The following CPNE3 variants were observed in gnomAD, a reference collection of about 807,000 sequenced individuals.
The protein encoded by CPNE3 is copine 3, also known as copine-3.
In CPNE3, 68 loss-of-function variants were observed where a neutral mutation model predicts 63.9. The observed-to-expected ratio is 1.06, with a 90% confidence interval of 0.87 to 1.30. The LOEUF is 1.30. Among genes scored for constraint, CPNE3 ranks in the 50% most tolerant of loss-of-function variants. The pLI, the probability that CPNE3 is intolerant of heterozygous loss-of-function variation, is 0.00. For synonymous variants in CPNE3, 219 were observed against 197.5 expected (o/e 1.11, Z -0.91); for missense variants, 665 against 578.1 (o/e 1.15, Z -1.54).
intron 2 of CPNE3, among the ~76,000 whole-genome samples, chr8:86,521,973 T>TAA (rs368599439): frequency 2.0e-5 from 3 of 150,942 alleles, no homozygotes; most frequent in Middle Eastern, 3.4e-3. Flanking sequence ...TTGAAAATTG[T>TAA]AAAAAAAAAC....
At chr8:86,532,880 G>A (rs1820711930) in intron 6 of CPNE3, among the ~76,000 whole-genome samples, 1 of 152,118 alleles carries the variant, frequency 6.6e-6, no homozygotes, top group Non-Finnish European at 1.5e-5. Flanking sequence ...GGAAAAAAGT[G>A]AAAACTCTGT....
Position 86,551,204 on chromosome 8 carries a change from A to T in CPNE3, c.1090A>T (p.Asn364Tyr), listed in dbSNP as rs748532176. ...QWQVSHEFPM[N>Y]FNPSNPYCNG... ...ACAGGTATCACATGAATTTCCAATGAACTTCAACCCATCCAATCCCTACTG... is the reference window on the plus strand; with the variant it reads ...ACAGGTATCACATGAATTTCCAATGTACTTCAACCCATCCAATCCCTACTG... Residue 364 changes from asparagine to tyrosine, a missense_variant, in exon 14 of 17, where the codon AAC (asparagine) becomes TAC (tyrosine). By Grantham distance (143) the Asn-to-Tyr change is moderately radical. Transcript: ENST00000517490. 1.2e-6 allele frequency: 2 copies of T among 1,611,518 alleles called. 1 individual carries two copies. The highest frequency in any genetic ancestry group is 2.2e-5 in the South Asian group (2 of 91,022).
chr8:86,529,629 T>C (rs1217252755), intron 4 of CPNE3, among the ~76,000 whole-genome samples: 1 of 152,212 alleles, frequency 6.6e-6, no homozygotes, highest in Non-Finnish European at 1.5e-5. Flanking sequence ...GTACTTACTA[T>C]CTGGTACTTC....
intron 12 of CPNE3, 104 bp from the exon 13 acceptor site, chr8:86,550,942 T>C: frequency 8.6e-7 from 1 of 1,161,098 alleles, no homozygotes. Flanking sequence ...TTGTTTTATC[T>C]TCATACTTTT....
rs948970311 is a variant in CPNE3, at chr8:86,547,617, C to T, written c.820-94C>T. 4.3e-6 allele frequency: 3 copies of T among 699,588 alleles called. No individual in the cohort carries two copies. The African/African-American group carries it at 5.4e-5, about 13-fold the overall frequency. 43.3% of individuals were successfully genotyped at this position (699,588 alleles called of 1,614,324 possible). ...TTCCATGTTTATATCATGTCCTGTTCAATTTACAGACTTTTAAAAATATAT... is the reference window on the plus strand; with the variant it reads ...TTCCATGTTTATATCATGTCCTGTTTAATTTACAGACTTTTAAAAATATAT... On this transcript the variant is annotated intron_variant, in intron 10 of 16. Coordinates refer to ENST00000517490, the MANE Select transcript of CPNE3 (RefSeq NM_003909.5).
intron 4 of CPNE3, 50 bp downstream of exon 4, chr8:86,529,174 G>A (rs781754355): frequency 4.0e-6 from 6 of 1,484,292 alleles, no homozygotes; most frequent in Middle Eastern, 2.2e-4. Flanking sequence ...TTTAATCAAT[G>A]AATTTGGTGG....
chr8:86,535,053 C>T (rs1407451981), intron 6 of CPNE3, among the ~76,000 whole-genome samples: 1 of 146,920 alleles, frequency 6.8e-6, no homozygotes, highest in Non-Finnish European at 1.5e-5. Flanking sequence ...TAACACAACT[C>T]CAGGAGTCTT....
chr8:86,531,349 A>T (rs1820679555), intron 5 of CPNE3, 120 bp downstream of exon 5: 1 of 677,964 alleles, frequency 1.5e-6, no homozygotes, highest in African/African-American at 1.8e-5. Flanking sequence ...TGAATGTTGC[A>T]TTCCATCCAC....
rs367799336 is a variant in CPNE3, at chr8:86,554,737, G to A, written c.1121-114G>A. ...AGGAACTACTGCTTATAGAACTTTTGACTATTTAAAGCACTATATGTTGAT... is the reference window on the plus strand; with the variant it reads ...AGGAACTACTGCTTATAGAACTTTTAACTATTTAAAGCACTATATGTTGAT... On this transcript the variant is annotated intron_variant, in intron 14 of 16. Coordinates refer to ENST00000517490, the MANE Select transcript of CPNE3 (RefSeq NM_003909.5). The A allele has an allele frequency of 9.5e-6, 12 of 1,262,672 alleles. No individual in the cohort carries two copies. The African/African-American group carries it at 1.8e-4, about 19-fold the overall frequency. The allele number at this position is 1,262,672 out of a possible 1,614,324, so 78.2% of individuals were successfully genotyped here. A position where few individuals can be genotyped will look rare whatever the true frequency, so the allele number is the denominator to read the frequency against.
intron 8 of CPNE3, among the ~76,000 whole-genome samples, chr8:86,543,744 A>G (rs1820992865): frequency 6.6e-6 from 1 of 152,116 alleles, no homozygotes; most frequent in African/African-American, 2.4e-5. Context: ...TCTACCTCAC[A>G]AGACTATTTA....
chr8:86,547,676 G>C (rs561392940), intron 10 of CPNE3, 35 bp from the exon 11 acceptor site: 2 of 880,686 alleles, frequency 2.3e-6, no homozygotes, highest in East Asian at 2.5e-5. Context: ...TGTATAGTAG[G>C]AGAGTTGTAA....
At chr8:86,544,886 A>G (rs1182196960) in intron 9 of CPNE3, 48 bp downstream of exon 9, 5 of 1,146,784 alleles carry the variant, frequency 4.4e-6, no homozygotes, top group Middle Eastern at 4.0e-4. Context: ...TTGGCTATGT[A>G]TTTATTACTG....
At chr8:86,528,410 T>A in intron 2 of CPNE3, 126 bp from the exon 3 acceptor site, 1 of 956,438 alleles carries the variant, frequency 1.0e-6, no homozygotes, top group South Asian at 1.5e-5. Context: ...AGTCTGATTC[T>A]GGCAAGTTCA....
At chr8:86,555,977 T>C in intron 15 of CPNE3, 125 bp from the exon 16 acceptor site, 2 of 685,812 alleles carry the variant, frequency 2.9e-6, no homozygotes, top group South Asian at 3.4e-5. Context: ...ATATTTTATG[T>C]GGTGGTAGCT....
intron 1 of CPNE3, chr8:86,515,071 G>A (rs1018464514): frequency 1.3e-5 from 2 of 152,274 alleles, no homozygotes; most frequent in Non-Finnish European, 2.9e-5. Flanking sequence ...AGTGGGAAGA[G>A]GTGACTCTTG....
At chr8:86,537,697 G>A in intron 7 of CPNE3, 51 bp downstream of exon 7, 1 of 1,050,056 alleles carries the variant, frequency 9.5e-7, no homozygotes, top group Non-Finnish European at 1.5e-6. Flanking sequence ...TGAAATTATT[G>A]TAATCTGAAT....
chr8:86,552,855 T>C (rs1418405136), intron 14 of CPNE3, among the ~76,000 whole-genome samples: 28 of 145,702 alleles, frequency 1.9e-4, no homozygotes, highest in South Asian at 2.2e-4. Flanking sequence ...TTTTTTTTTT[T>C]CGAGACGAAG....
intron 9 of CPNE3, chr8:86,545,313 C>G (rs72690469): frequency 0.054 from 8,291 of 152,480 alleles, 314 homozygotes; most frequent in Non-Finnish European, 0.087. Flanking sequence ...GTGTGCTTAT[C>G]TAGTGCTGTA....
In CPNE3 at chr8:86,561,191, A is replaced by G. The variant is rs1240222582; in HGVS notation, c.*2781A>G. ...CTTCAATTTTGTAAACTTCCTGGAA[A>G]GCTGTCTTCACTAAGTATCCCCTAG... On this transcript the variant is annotated 3_prime_UTR_variant, in exon 17 of 17. Transcript: ENST00000517490. The G allele has an allele frequency of 6.6e-6, 1 of 152,164 alleles. No homozygotes were observed. Among genetic ancestry groups the G allele is most frequent in the Admixed American group, 6.5e-5 (1 of 15,286 alleles). The allele number at this position is 152,164 out of a possible 1,614,324, so 9.4% of individuals were successfully genotyped here.
Sources: gnomAD v4.1 joint callset for allele counts (sites outside exome capture counted in the v4.1 genomes callset) on GRCh38, gnomAD v4.1.1 for gene constraint, MANE v1.5 for transcripts, NCBI Gene and HGNC (gene_info 2026-07-23, HGNC 2026-07-21) for gene names.